SAMD12: variants seen among roughly 807,000 people sequenced by gnomAD.
The protein encoded by SAMD12 is sterile alpha motif domain containing 12, also known as sterile alpha motif domain-containing protein 12.
In SAMD12, 9 loss-of-function variants were observed where a neutral mutation model predicts 15.0. The ratio of observed to expected loss-of-function variants is 0.60; its 90% CI spans 0.36 to 1.05. SAMD12 has a LOEUF of 1.05. Ranked by LOEUF, SAMD12 falls within the 50% of genes least tolerant of loss-of-function variation. The pLI is 0.01. For synonymous variants in SAMD12, 86 were observed against 90.1 expected, an observed-to-expected ratio of 0.96 and a Z score of 0.25; for missense variants, 230 against 234.2, an observed-to-expected ratio of 0.98 and a Z score of 0.12.
intron 2 of SAMD12, among the ~76,000 whole-genome samples, chr8:118,553,826 A>C (rs1363079159): frequency 2.7e-5 from 4 of 149,040 alleles, no homozygotes; most frequent in Middle Eastern, 3.4e-3. Flanking sequence ...GAACTCAAAC[A>C]AATTTACAAG....
At chr8:118,168,937 T>C in the SAMD12 span, among the ~76,000 whole-genome samples, 1 of 152,168 alleles carries the variant, frequency 6.6e-6, no homozygotes, top group East Asian at 1.9e-4. Context: ...ACCCTAACAA[T>C]GAATTACCTA....
rs541028753 is a variant in SAMD12, at chr8:118,621,920, T to G, written c.-104A>C. ...CGCTTTCGCCTAAATATTCTGCGCT[T>G]ATCTGCTCCAGGACCAACCTGCCGC... On this transcript the variant is annotated 5_prime_UTR_variant, in exon 1 of 4. Coordinates refer to ENST00000314727, the MANE Select transcript of SAMD12 (RefSeq NM_207506.3). 3 of 1,360,994 alleles carry G rather than the reference T, an allele frequency of 2.2e-6. No homozygotes were observed. The East Asian group carries it at 6.9e-5, about 31-fold the overall frequency. The allele number at this position is 1,360,994 out of a possible 1,614,324, so 84.3% of individuals were successfully genotyped here.
intron 1 of SAMD12, among the ~76,000 whole-genome samples, chr8:118,585,020 T>C (rs1445447442): frequency 6.6e-6 from 1 of 152,046 alleles, no homozygotes; most frequent in East Asian, 1.9e-4. Flanking sequence ...CATAGCAGCA[T>C]TATTCATAAC....
chr8:118,619,295 G>A (rs1828328306), intron 1 of SAMD12, among the ~76,000 whole-genome samples: 1 of 152,024 alleles, frequency 6.6e-6, no homozygotes, highest in African/African-American at 2.4e-5. Context: ...GGCTAACATG[G>A]TGAAACTCCG....
intron 2 of SAMD12, among the ~76,000 whole-genome samples, chr8:118,489,918 G>A (rs992476357): frequency 4.6e-5 from 7 of 152,008 alleles, no homozygotes; most frequent in African/African-American, 9.7e-5. Context: ...GGAGTGGGGG[G>A]TATAAAAAAG....
At chr8:118,489,255 T>C (rs972072982) in intron 2 of SAMD12, among the ~76,000 whole-genome samples, 1 of 152,198 alleles carries the variant, frequency 6.6e-6, no homozygotes, top group African/African-American at 2.4e-5. Flanking sequence ...CTTTGCTGGA[T>C]TTATGTATTG....
chr8:118,430,470 C>T (rs1476167843), intron 3 of SAMD12, among the ~76,000 whole-genome samples: 2 of 151,696 alleles, frequency 1.3e-5, no homozygotes, highest in Non-Finnish European at 2.9e-5. Context: ...TCAAGCGATT[C>T]TCCTGCTTCA....
intron 1 of SAMD12, among the ~76,000 whole-genome samples, chr8:118,600,838 C>G (rs1827846263): frequency 6.6e-6 from 1 of 151,952 alleles, no homozygotes; most frequent in Non-Finnish European, 1.5e-5. Context: ...ATATATCACA[C>G]TCCTTTGCTT....
At chr8:118,175,529 A>C in the SAMD12 span, among the ~76,000 whole-genome samples, 14 of 152,362 alleles carry the variant, frequency 9.2e-5, 1 homozygote, top group South Asian at 2.5e-3. Flanking sequence ...TGCACAGCAA[A>C]AGGAACCATC....
the SAMD12 span, among the ~76,000 whole-genome samples, chr8:118,172,928 C>G: frequency 1.3e-5 from 2 of 152,178 alleles, no homozygotes; most frequent in African/African-American, 4.8e-5. Context: ...CCCCTGGTAA[C>G]CAGAATTCTA....
chr8:118,563,468 A>C (rs943924286), intron 2 of SAMD12, among the ~76,000 whole-genome samples: 37 of 152,322 alleles, frequency 2.4e-4, no homozygotes, highest in African/African-American at 8.7e-4. Context: ...GGACTCCAGG[A>C]GGAAGGTTGG....
chr8:118,621,437 G>A (rs1828403025), intron 1 of SAMD12: 2 of 302,608 alleles, frequency 6.6e-6, no homozygotes, highest in East Asian at 1.4e-4. Context: ...CCCAGCCCCG[G>A]GGCCACCCAG....
chr8:118,490,680 A>G (rs943573516), intron 2 of SAMD12, among the ~76,000 whole-genome samples: 2 of 152,188 alleles, frequency 1.3e-5, no homozygotes, highest in Non-Finnish European at 2.9e-5. Context: ...AGGTGTGACC[A>G]GCATCTTCAA....
At chr8:118,346,326 A>G (rs1419380118) in intron 4 of SAMD12, among the ~76,000 whole-genome samples, 1 of 152,222 alleles carries the variant, frequency 6.6e-6, no homozygotes, top group African/African-American at 2.4e-5. Flanking sequence ...TACTGTTTCC[A>G]GGCTTATCCT....
At chr8:118,228,593 C>A (rs1031679564) in intron 4 of SAMD12, among the ~76,000 whole-genome samples, 1 of 151,376 alleles carries the variant, frequency 6.6e-6, no homozygotes, top group Non-Finnish European at 1.5e-5. Context: ...TGCAATACCA[C>A]CTTACTCTTG....
chr8:118,520,270 CTT>C lies in SAMD12; in HGVS notation c.192+60443_192+60444del, dbSNP rs545714253. ...TATCTTTCCATCTTCAAATTCCTGA[CTT>C]TTCAGAAAATACAGTCAATTTAAAT... On this transcript the variant is annotated intron_variant, in intron 2 of 3. Coordinates refer to ENST00000314727, the MANE Select transcript of SAMD12 (RefSeq NM_207506.3). Among the ~76,000 whole-genome samples the C allele has an allele frequency of 1.4e-3, 217 of 152,282 alleles. 1 individual carries two copies. Among genetic ancestry groups the C allele is most frequent in the African/African-American group, 5.0e-3 (208 of 41,562 alleles).
At chr8:118,612,008 G>C (rs1383365501) in intron 1 of SAMD12, among the ~76,000 whole-genome samples, 1 of 152,090 alleles carries the variant, frequency 6.6e-6, no homozygotes. Flanking sequence ...TTCTAAATCA[G>C]AATCACACAG....
intron 2 of SAMD12, among the ~76,000 whole-genome samples, chr8:118,538,935 A>G (rs967958040): frequency 2.6e-5 from 4 of 152,202 alleles, no homozygotes; most frequent in African/African-American, 9.7e-5. Context: ...CATGTTGCAA[A>G]TAACAAAACC....
chr8:118,273,302 A>G (rs1422762558), intron 4 of SAMD12, among the ~76,000 whole-genome samples: 1 of 152,214 alleles, frequency 6.6e-6, no homozygotes. Context: ...TTACGAGAAC[A>G]GCATGAGGGT....
Sources: gnomAD v4.1 joint callset for allele counts (sites outside exome capture counted in the v4.1 genomes callset) on GRCh38, gnomAD v4.1.1 for gene constraint, MANE v1.5 for transcripts, NCBI Gene and HGNC (gene_info 2026-07-23, HGNC 2026-07-21) for gene names.